The following CNTNAP2 variants were observed in gnomAD, a reference collection of about 807,000 sequenced individuals.
CNTNAP2 encodes the protein contactin associated protein 2.
In CNTNAP2, 98 loss-of-function variants were observed where a neutral mutation model predicts 155.2. That is an observed-to-expected ratio of 0.63 (90% CI 0.54 to 0.75). CNTNAP2 has a LOEUF of 0.75. Ranked by LOEUF, CNTNAP2 falls within the 30% of genes least tolerant of loss-of-function variation. CNTNAP2 has a pLI of 0.00. For synonymous variants in CNTNAP2, 651 were observed against 631.2 expected, an observed-to-expected ratio of 1.03 and a Z score of -0.47; for missense variants, 1,727 against 1,688.1, an observed-to-expected ratio of 1.02 and a Z score of -0.40.
At chr7:148,315,233 C>T (rs375883789) in intron 21 of CNTNAP2, among the ~76,000 whole-genome samples, 3 of 152,158 alleles carry the variant, frequency 2.0e-5, no homozygotes, top group East Asian at 3.9e-4. Flanking sequence ...AAGAGACCAC[C>T]AAACAGGCTT....
At chr7:146,436,254 C>A (rs1171094287) in intron 1 of CNTNAP2, among the ~76,000 whole-genome samples, 1 of 151,918 alleles carries the variant, frequency 6.6e-6, no homozygotes, top group African/African-American at 2.4e-5. Flanking sequence ...ATCTTCATTC[C>A]CCATACAAAT....
At chr7:147,392,578 A>G (rs826832) in intron 9 of CNTNAP2, among the ~76,000 whole-genome samples, 26,404 of 151,692 alleles carry the variant, frequency 0.17, 2,552 homozygotes, top group East Asian at 0.32. Context: ...TCATAGCTTA[A>G]CTCCCACTTA....
chr7:148,163,925 ATTTTGTTTTG>A (rs527900970), intron 17 of CNTNAP2, among the ~76,000 whole-genome samples: 1 of 152,038 alleles, frequency 6.6e-6, no homozygotes, highest in Admixed American at 6.6e-5. Flanking sequence ...CACCACAGGT[ATTTTGTTTTG>A]TTTTGTTTTG....
At chr7:147,834,349 A>G (rs1280471960) in intron 13 of CNTNAP2, among the ~76,000 whole-genome samples, 3 of 152,176 alleles carry the variant, frequency 2.0e-5, no homozygotes, top group Non-Finnish European at 4.4e-5. Flanking sequence ...TTTCCAATGA[A>G]CAGAATCTCA....
At chr7:147,143,146 T>C (rs1801634652) in intron 8 of CNTNAP2, among the ~76,000 whole-genome samples, 1 of 152,204 alleles carries the variant, frequency 6.6e-6, no homozygotes, top group Non-Finnish European at 1.5e-5. Flanking sequence ...GCTTTTTTGG[T>C]TTGATTCACA....
chr7:146,426,623 T>TA (rs34609020), intron 1 of CNTNAP2, among the ~76,000 whole-genome samples: 54,484 of 129,944 alleles, frequency 0.42, 13,007 homozygotes, highest in African/African-American at 0.69. Flanking sequence ...ATAACACCTT[T>TA]AAAAAAAAAA....
chr7:147,388,005 G>C (rs1042338804), intron 9 of CNTNAP2, among the ~76,000 whole-genome samples: 3 of 152,072 alleles, frequency 2.0e-5, no homozygotes, highest in African/African-American at 7.2e-5. Context: ...AGTGCTATTG[G>C]AGGAGCTTTC....
intron 1 of CNTNAP2, among the ~76,000 whole-genome samples, chr7:146,379,725 G>T (rs1006886828): frequency 4.6e-5 from 7 of 152,148 alleles, no homozygotes; most frequent in Admixed American, 3.9e-4. Context: ...TTGACCTAGA[G>T]ATTGACAAAG....
intron 2 of CNTNAP2, among the ~76,000 whole-genome samples, chr7:146,833,009 A>G (rs1326804936): frequency 1.3e-5 from 2 of 151,854 alleles, no homozygotes; most frequent in African/African-American, 2.4e-5. Context: ...CTCACTAATT[A>G]TTTCTTAGAT....
intron 3 of CNTNAP2, among the ~76,000 whole-genome samples, chr7:146,933,960 T>C (rs1796848510): frequency 6.6e-6 from 1 of 152,048 alleles, no homozygotes; most frequent in Non-Finnish European, 1.5e-5. Flanking sequence ...GGAGAGGATG[T>C]GGAGAAATAG....
intron 1 of CNTNAP2, among the ~76,000 whole-genome samples, chr7:146,586,472 C>A (rs1798694103): frequency 6.6e-6 from 1 of 152,086 alleles, no homozygotes; most frequent in Non-Finnish European, 1.5e-5. Flanking sequence ...TTCTACATAG[C>A]AAAGTGAATT....
intron 1 of CNTNAP2, among the ~76,000 whole-genome samples, chr7:146,721,229 C>A (rs1801296959): frequency 7.7e-6 from 1 of 129,982 alleles, no homozygotes; most frequent in Non-Finnish European, 1.6e-5. Flanking sequence ...TATATATATT[C>A]TCTATATACT....
intron 1 of CNTNAP2, among the ~76,000 whole-genome samples, chr7:146,604,587 T>G (rs1475244641): frequency 5.4e-4 from 57 of 104,986 alleles, no homozygotes; most frequent in African/African-American, 1.7e-3. Context: ...TATACCCAAA[T>G]GACTATAAAT....
At chr7:146,669,853 C>CTGTTT (rs1169699615) in intron 1 of CNTNAP2, among the ~76,000 whole-genome samples, 2 of 151,552 alleles carry the variant, frequency 1.3e-5, no homozygotes, top group South Asian at 2.1e-4. Flanking sequence ...ATTTGGAGTT[C>CTGTTT]TAATTTAACC....
At chr7:147,873,207 C>T (rs973066149) in intron 13 of CNTNAP2, among the ~76,000 whole-genome samples, 1 of 152,114 alleles carries the variant, frequency 6.6e-6, no homozygotes. Flanking sequence ...TAACCAGAAA[C>T]GTTTGTTAAA....
intron 1 of CNTNAP2, among the ~76,000 whole-genome samples, chr7:146,734,752 T>C (rs2129180014): frequency 6.6e-6 from 1 of 152,348 alleles, no homozygotes; most frequent in Admixed American, 6.5e-5. Flanking sequence ...ACATGCTTCA[T>C]AATTCTGAAA....
rs367683874 is a variant in CNTNAP2 at position 146,184,867 on chromosome 7, A to G, written c.97+67894A>G. 4.6e-5 allele frequency among the ~76,000 whole-genome samples: 7 copies of G among 152,322 alleles called. No homozygotes were observed. In the East Asian group the frequency reaches 1.2e-3, roughly 25 times the overall value. On this transcript the variant is annotated intron_variant, in intron 1 of 23. Coordinates refer to ENST00000361727, the MANE Select transcript of CNTNAP2 (RefSeq NM_014141.6). Reference sequence around the variant, plus strand: ...AAAAAAGTGGTTCTTAGACATTTCTAAATTGAGTGAGATAAACATCAAAAG... The same window carrying G: ...AAAAAAGTGGTTCTTAGACATTTCTGAATTGAGTGAGATAAACATCAAAAG...
chr7:148,378,428 G>A lies in CNTNAP2; in HGVS notation c.3476-5221G>A, dbSNP rs1277044200. Among the ~76,000 whole-genome samples the A allele has an allele frequency of 1.9e-4, 13 of 66,808 alleles. 4 individuals carry two copies. The highest frequency in any genetic ancestry group is 4.8e-4 in the African/African-American group (13 of 27,226). 43.8% of individuals were successfully genotyped at this position (66,808 alleles called of 152,430 possible). A position where few individuals can be genotyped will look rare whatever the true frequency, so the allele number is the denominator to read the frequency against. On this transcript the variant is annotated intron_variant, in intron 21 of 23. Coordinates refer to ENST00000361727, the MANE Select transcript of CNTNAP2 (RefSeq NM_014141.6). ...AGAACATCCAGGGACTTAGAGAGAC[G>A]TCAAACTCCTCCACAACAATGTTCC...
intron 1 of CNTNAP2, among the ~76,000 whole-genome samples, chr7:146,640,554 C>A (rs181223062): frequency 2.6e-5 from 4 of 152,242 alleles, no homozygotes; most frequent in Non-Finnish European, 5.9e-5. Context: ...GGAAATTTAG[C>A]AAATTAGTTT....
Sources: allele counts gnomAD v4.1 joint callset (sites outside exome capture counted in the v4.1 genomes callset), GRCh38; gene constraint gnomAD v4.1.1; transcripts MANE v1.5; gene names NCBI Gene and HGNC (gene_info 2026-07-23, HGNC 2026-07-21).